The following KIRREL2 variants were observed in gnomAD, a reference collection of about 807,000 sequenced individuals.
KIRREL2 encodes kin of IRRE-like protein 2.
Under a neutral mutation model 73.4 loss-of-function variants are expected in KIRREL2, and 56 were observed. That is an observed-to-expected ratio of 0.76 (90% CI 0.62 to 0.95). The LOEUF is 0.95. KIRREL2 is among the 40% of genes least tolerant of loss of function. The probability of loss-of-function intolerance (pLI) is 0.00; values close to 1 mark genes in which losing one functional copy is unlikely to be tolerated. For synonymous variants in KIRREL2, 407 were observed against 404.0 expected (o/e 1.01, Z -0.09); for missense variants, 896 against 935.0 (o/e 0.96, Z 0.54).
chr19:35,857,609 G>T, intron 2 of KIRREL2, 115 bp downstream of exon 2: 1 of 1,132,384 alleles, frequency 8.8e-7, no homozygotes, highest in Non-Finnish European at 1.2e-6. Flanking sequence ...GATGGGCTCG[G>T]GTAAACATTT....
chr19:35,864,222 G>A (rs1021752411), intron 13 of KIRREL2, among the ~76,000 whole-genome samples: 1 of 151,012 alleles, frequency 6.6e-6, no homozygotes, highest in African/African-American at 2.5e-5. Context: ...ATAGAGTCTT[G>A]CTCTGTCGTC....
rs201189971 is a variant in KIRREL2 at position 35,866,273 on chromosome 19, C to T, written c.1908C>T (p.Thr636=). Residue 636 remains threonine (T), a synonymous_variant, in exon 15 of 15, where the codon ACC becomes ACT. Transcript: ENST00000360202. ...PPPSPLGPPG[T]PTFYDFNPHL... is the part of the protein sequence containing the mutation. ...CCTCCCCCCTTGGGCCCCCAGGGAC[C>T]CCTACCTTCTATGACTTCAACCCAC... 12 of 1,611,272 alleles carry T rather than the reference C, an allele frequency of 7.4e-6. No homozygotes were observed. The Admixed American group carries it at 1.5e-4, about 20-fold the overall frequency.
chr19:35,863,915 A>G (rs1599870707), intron 13 of KIRREL2, among the ~76,000 whole-genome samples: 1 of 152,032 alleles, frequency 6.6e-6, no homozygotes, highest in African/African-American at 2.4e-5. Flanking sequence ...CTGGGACTAC[A>G]GGCACCCGCC....
chr19:35,859,917 C>T (rs1973589757), intron 5 of KIRREL2, among the ~76,000 whole-genome samples: 1 of 152,186 alleles, frequency 6.6e-6, no homozygotes, highest in Non-Finnish European at 1.5e-5. Context: ...TGGTAGCACA[C>T]ACTTGTAATT....
In KIRREL2 at chr19:35,861,442, T is replaced by G; in HGVS notation, c.1190-99T>G. Reference sequence around the variant, plus strand: ...TTTGGAGGCGGCGTGGCCTGATTGATTGAGGTTAGCGGAGAGTGCGCTGGA... The same window carrying G: ...TTTGGAGGCGGCGTGGCCTGATTGAGTGAGGTTAGCGGAGAGTGCGCTGGA... On this transcript the variant is annotated intron_variant, in intron 9 of 14. Coordinates refer to ENST00000360202, the MANE Select transcript of KIRREL2 (RefSeq NM_199180.4). 6.2e-6 allele frequency: 9 copies of G among 1,461,784 alleles called. No homozygotes were observed. The South Asian group carries it at 9.6e-5, about 16-fold the overall frequency. The allele number at this position is 1,461,784 out of a possible 1,614,324, so 90.6% of individuals were successfully genotyped here.
At chr19:35,853,919 A>C (rs1485073439), upstream of KIRREL2, among the ~76,000 whole-genome samples, 3 of 131,418 alleles carry the variant, frequency 2.3e-5, no homozygotes, top group Non-Finnish European at 4.6e-5. Flanking sequence ...ATGTTGGCTC[A>C]CTGTAACCTC....
intron 14 of KIRREL2, among the ~76,000 whole-genome samples, chr19:35,865,592 G>A (rs1425153613): frequency 6.6e-6 from 1 of 152,162 alleles, no homozygotes; most frequent in Non-Finnish European, 1.5e-5. Context: ...CGATCATTTT[G>A]CCTGTGTTCC....
At position 35,861,183 on chromosome 19, in the gene KIRREL2, A is replaced by C. The variant is rs371683475; in HGVS notation, c.1118A>C (p.Tyr373Ser). Reference protein sequence around the residue: ...PSVGPEDAGDYVCRAEAGLSG... With the variant: ...PSVGPEDAGDSVCRAEAGLSG... ...GTGGGGCCCGAGGACGCAGGCGACT[A>C]TGTGTGCAGAGCTGAGGCTGGGCTA... The change falls in exon 9 of 15, where the codon TAT becomes TCT. Residue 373 changes from tyrosine to serine, a missense_variant. Transcript: ENST00000360202. The C allele has an allele frequency of 6.3e-7, 1 of 1,581,136 alleles. No individual in the cohort carries two copies.
rs116357288 is a variant in KIRREL2 at position 35,863,091 on chromosome 19, C to T, written c.1725+55C>T. ...GTGCCTCCAGACCTAAATAATAGCC[C>T]AGTCCCAAGAGGGTCCCCAAATTCA... On this transcript the variant is annotated intron_variant, in intron 13 of 14. Coordinates refer to ENST00000360202, the MANE Select transcript of KIRREL2 (RefSeq NM_199180.4). 1,718 of 1,018,252 alleles carry T rather than the reference C, an allele frequency of 1.7e-3. 24 individuals carry two copies. The African/African-American group carries it at 0.025, about 15-fold the overall frequency. The allele number at this position is 1,018,252 out of a possible 1,614,324, so 63.1% of individuals were successfully genotyped here.
chr19:35,857,533 G>A (rs199714501), intron 2 of KIRREL2, 39 bp downstream of exon 2: 1 of 1,502,922 alleles, frequency 6.7e-7, no homozygotes, highest in Non-Finnish European at 8.9e-7. Context: ...GGCTGGCTAG[G>A]GGGAGAGTTG....
chr19:35,861,071 G>A (rs1056760746), intron 8 of KIRREL2, 35 bp downstream of exon 8: 2 of 1,606,140 alleles, frequency 1.2e-6, no homozygotes, highest in African/African-American at 2.7e-5. Flanking sequence ...GGCTGGAGGG[G>A]GACCAGGCTT....
intron 13 of KIRREL2, among the ~76,000 whole-genome samples, chr19:35,864,167 C>A (rs371550887): frequency 3.5e-5 from 5 of 143,034 alleles, no homozygotes; most frequent in African/African-American, 1.1e-4. Context: ...TATGTCCCCA[C>A]AGCCCGTTTT....
chr19:35,866,423 C>G lies in KIRREL2; in HGVS notation c.2058C>G (p.Pro686=). 13 of 1,607,942 alleles carry G rather than the reference C, an allele frequency of 8.1e-6. No homozygotes were observed. The highest frequency in any genetic ancestry group is 9.4e-6 in the Non-Finnish European group (11 of 1,174,436). ...CCTTTGGGCCCCCAGATCTGGCCCC[C>G]GGGACTCCCCCCTTCCCATATGCTG... ...PTSFGPPDLA[P]GTPPFPYAAF... is the part of the protein sequence containing the mutation. Residue 686 remains proline (P), a synonymous_variant, in exon 15 of 15, where the codon CCC becomes CCG. Transcript: ENST00000360202.
upstream of KIRREL2, among the ~76,000 whole-genome samples, chr19:35,852,213 G>A (rs1789760177): frequency 6.6e-6 from 1 of 150,920 alleles, no homozygotes; most frequent in African/African-American, 2.4e-5. Context: ...ACAGGCGTGA[G>A]CCACTGCGCC....
intron 7 of KIRREL2, 36 bp from the exon 8 acceptor site, chr19:35,860,873 G>T (rs1336050908): frequency 6.2e-7 from 1 of 1,612,172 alleles, no homozygotes; most frequent in East Asian, 2.2e-5. Flanking sequence ...GCTGCATTCC[G>T]CCCCGGCCAT....
rs374181246 is a variant in KIRREL2, at chr19:35,858,491, G to A, written c.295G>A (p.Ala99Thr). 2 of 1,614,184 alleles carry A rather than the reference G, an allele frequency of 1.2e-6. No individual in the cohort carries two copies. Among genetic ancestry groups the A allele is most frequent in the Non-Finnish European group, 8.5e-7 (1 of 1,180,044 alleles). ...TAGGCCCGTGGAGCTAGAGGATGAA[G>A]CATCATATGAATGTCAGGCTACACA... Reference protein sequence around the residue: ...HIRPVELEDEASYECQATQAG... With the variant: ...HIRPVELEDETSYECQATQAG... Residue 99 changes from alanine to threonine, a missense_variant, in exon 3 of 15, where the codon GCA (alanine) becomes ACA (threonine). Transcript: ENST00000360202.
In KIRREL2 at chr19:35,861,948, C is replaced by CT; in HGVS notation, c.1437dup (p.Ser480Ter). The CT allele has an allele frequency of 6.2e-7, 1 of 1,613,290 alleles. No individual in the cohort carries two copies. Among genetic ancestry groups the CT allele is most frequent in the Non-Finnish European group, 8.5e-7 (1 of 1,179,756 alleles). On this transcript the variant is annotated frameshift_variant, in exon 11 of 15. Transcript: ENST00000360202. LOFTEE classifies it high-confidence loss of function. ...ACATTTCGGGGACCCAGGAGTCTGA[C>CT]TTTAGCAGGAGCTTTAACTGCAGTG...
chr19:35,856,885 G>A (rs2146847183), upstream of KIRREL2: 1 of 582,776 alleles, frequency 1.7e-6, no homozygotes, highest in South Asian at 2.0e-5. The surrounding 1 kb of genome is among the most constrained non-coding windows in gnomAD (Gnocchi z 5.9). Context: ...CGGGGCGAGC[G>A]GGATCGGGCC....
upstream of KIRREL2, chr19:35,851,744 A>C (rs1198685363): frequency 6.4e-7 from 1 of 1,558,034 alleles, no homozygotes; most frequent in African/African-American, 1.4e-5. Context: ...AATGGGGGCC[A>C]CTTGGCGCTG....
Sources: gnomAD v4.1 joint callset for allele counts (sites outside exome capture counted in the v4.1 genomes callset) on GRCh38, gnomAD v4.1.1 for gene constraint, Gnocchi (gnomAD v3.1) non-coding constraint, MANE v1.5 for transcripts, NCBI Gene and HGNC (gene_info 2026-07-23, HGNC 2026-07-21) for gene names.